COL5A1: variants seen among roughly 807,000 people sequenced by gnomAD.
COL5A1 encodes collagen type V alpha 1 chain.
A neutral mutation model predicts 263.7 loss-of-function variants in COL5A1; 16 were observed. The observed-to-expected ratio is 0.06, with a 90% CI of 0.04 to 0.09. The LOEUF (loss-of-function observed/expected upper bound fraction) is 0.09. Ranked by LOEUF, COL5A1 falls within the 10% of genes least tolerant of loss-of-function variation. The probability of loss-of-function intolerance (pLI) is 1.00; values close to 1 mark genes in which losing one functional copy is unlikely to be tolerated. For missense variants in COL5A1, 2,036 were observed against 2,540.5 expected (o/e 0.80, Z 4.27); for synonymous variants, 1,012 against 1,004.5 (o/e 1.01, Z -0.14).
chr9:134,809,139 C>G, intron 42 of COL5A1, 44 bp from the exon 43 acceptor site: 1 of 1,495,728 alleles, frequency 6.7e-7, no homozygotes, highest in Non-Finnish European at 9.1e-7. Context: ...GGGATGTTCC[C>G]AGGTTGGAGC....
intron 34 of COL5A1, 55 bp from the exon 35 acceptor site, chr9:134,796,317 CTT>C: frequency 6.3e-7 from 1 of 1,576,076 alleles, no homozygotes; most frequent in Admixed American, 1.7e-5. Context: ...GGGCCAGAGT[CTT>C]TTCATCCAAA....
intron 43 of COL5A1, 91 bp from the exon 44 acceptor site, chr9:134,810,164 C>G: frequency 7.1e-7 from 1 of 1,418,060 alleles, no homozygotes; most frequent in Non-Finnish European, 1.0e-6. Flanking sequence ...GGACACTGTT[C>G]TTAATCTCCA....
intron 34 of COL5A1, among the ~76,000 whole-genome samples, chr9:134,796,172 T>C (rs951625358): frequency 3.3e-5 from 5 of 152,188 alleles, no homozygotes; most frequent in Non-Finnish European, 7.3e-5. Context: ...GTCAGCTGCA[T>C]GCAGAGGCAC....
chr9:134,685,835 TCCA>T (rs1833056313), intron 1 of COL5A1, among the ~76,000 whole-genome samples: 2 of 141,354 alleles, frequency 1.4e-5, no homozygotes, highest in African/African-American at 5.2e-5. Flanking sequence ...CATCCATCCA[TCCA>T]CCATCCATCC....
At chr9:134,721,350 C>T (rs1834447953) in intron 4 of COL5A1, among the ~76,000 whole-genome samples, 1 of 151,400 alleles carries the variant, frequency 6.6e-6, no homozygotes, top group South Asian at 2.1e-4. Context: ...AGTACCCATA[C>T]AGGGCTGCCC....
chr9:134,813,209 C>T (rs4842170), intron 48 of COL5A1, among the ~76,000 whole-genome samples: 48,825 of 151,300 alleles, frequency 0.32, 8,360 homozygotes, highest in Middle Eastern at 0.4. Flanking sequence ...TGTGTGTGTG[C>T]CTGTGTGTGT....
In COL5A1 at chr9:134,826,127, G is replaced by C. The variant is rs534062449; in HGVS notation, c.5067+223G>C. On this transcript the variant is annotated intron_variant, in intron 63 of 65. Coordinates refer to ENST00000371817, the MANE Select transcript of COL5A1 (RefSeq NM_000093.5). ...TGCAGCCCGGGGTCAGGAAGGGTTG[G>C]AGGGCTTTCCACCTGGCATCCTGCC... Among the ~76,000 whole-genome samples the C allele has an allele frequency of 1.3e-5, 2 of 152,352 alleles. 1 individual carries two copies. The highest frequency in any genetic ancestry group is 4.1e-4 in the South Asian group (2 of 4,826).
At chr9:134,720,918 T>C (rs1277758854) in intron 4 of COL5A1, among the ~76,000 whole-genome samples, 1 of 152,124 alleles carries the variant, frequency 6.6e-6, no homozygotes, top group African/African-American at 2.4e-5. Context: ...GCCTTCAAGG[T>C]CTGTGAGGGG....
chr9:134,834,914 GC>G, intron 64 of COL5A1, 56 bp from the exon 65 acceptor site: 1 of 1,261,724 alleles, frequency 7.9e-7, no homozygotes, highest in Non-Finnish European at 1.1e-6. Context: ...CGGACGTGGG[GC>G]TTTGTTGCTG....
intron 2 of COL5A1, among the ~76,000 whole-genome samples, chr9:134,695,786 C>T (rs562673672): frequency 6.6e-6 from 1 of 152,344 alleles, no homozygotes; most frequent in African/African-American, 2.4e-5. Context: ...CTGGCCATGA[C>T]AAATGCAGTA....
chr9:134,823,528 T>A (rs1209661516), intron 61 of COL5A1, 59 bp downstream of exon 61: 3 of 1,567,846 alleles, frequency 1.9e-6, no homozygotes, highest in Non-Finnish European at 2.6e-6. Flanking sequence ...TCCGAGGGAA[T>A]TGAGAAAGCA....
At chr9:134,806,416 G>C (rs2132831186) in intron 42 of COL5A1, 120 bp downstream of exon 42, 1 of 736,488 alleles carries the variant, frequency 1.4e-6, no homozygotes, top group South Asian at 1.8e-5. Flanking sequence ...TTGGGGATGG[G>C]GTGGGGTCTG....
rs768911432 is a variant in COL5A1 at position 134,784,994 on chromosome 9, G to T, written c.2490G>T (p.Glu830Asp). The T allele has an allele frequency of 1.2e-6, 2 of 1,613,190 alleles. No homozygotes were observed. The highest frequency in any genetic ancestry group is 2.2e-5 in the East Asian group (1 of 44,868). Reference protein sequence around the residue: ...GDMGIKGDRGEIGPPGPRGED... With the variant: ...GDMGIKGDRGDIGPPGPRGED... ...TCCTCTTTTCTGGCTTGCAGGGGGA[G>T]ATCGGCCCACCCGGTCCCAGGGGAG... Residue 830 changes from glutamate (E) to aspartate (D), a missense_variant, in exon 30 of 66, where the codon GAG becomes GAT. Glu to Asp is a conservative substitution (Grantham distance 45). Around this residue, in one of 3 missense-constraint regions of COL5A1, gnomAD observed 1,078 missense variants for 1,521.4 expected, o/e 0.71. Coordinates refer to ENST00000371817, the MANE Select transcript of COL5A1 (RefSeq NM_000093.5).
intron 34 of COL5A1, 31 bp downstream of exon 34, chr9:134,795,346 G>A (rs1239580247): frequency 1.2e-6 from 2 of 1,610,022 alleles, no homozygotes; most frequent in East Asian, 2.2e-5. Context: ...GCGGTGGGCG[G>A]CGTGAACCCA....
chr9:134,824,458 G>A lies in COL5A1; in HGVS notation c.4699-142G>A. On this transcript the variant is annotated intron_variant, in intron 61 of 65. Coordinates refer to ENST00000371817, the MANE Select transcript of COL5A1 (RefSeq NM_000093.5). ...GAGGAAGGGATGGAAACAGTTCTAA[G>A]GCGGACAGATGTCCATGTAGCCCAG... 3.0e-6 allele frequency: 3 copies of A among 1,012,216 alleles called. No homozygotes were observed. The South Asian group carries it at 4.7e-5, about 16-fold the overall frequency. The allele number at this position is 1,012,216 out of a possible 1,614,324, so 62.7% of individuals were successfully genotyped here.
intron 9 of COL5A1, 36 bp downstream of exon 9, chr9:134,732,163 G>A: frequency 6.2e-7 from 1 of 1,611,896 alleles, no homozygotes. Context: ...CTGCGCCGGG[G>A]TGTCCGCTGC....
chr9:134,776,642 A>T (rs1256750620), intron 27 of COL5A1, among the ~76,000 whole-genome samples: 2 of 152,212 alleles, frequency 1.3e-5, no homozygotes, highest in Non-Finnish European at 2.9e-5. Context: ...TGAGGTGAAT[A>T]GTCCTTGGTG....
chr9:134,747,274 C>G (rs1835550999), intron 11 of COL5A1, among the ~76,000 whole-genome samples: 1 of 152,126 alleles, frequency 6.6e-6, no homozygotes. Flanking sequence ...CTTTCACAGC[C>G]TGGGGATTGG....
chr9:134,817,633 C>G, intron 53 of COL5A1, 145 bp from the exon 54 acceptor site: 2 of 760,592 alleles, frequency 2.6e-6, no homozygotes. Flanking sequence ...CCCTGCAGCC[C>G]GGCACACCCT....
Sources: allele counts gnomAD v4.1 joint callset (sites outside exome capture counted in the v4.1 genomes callset), GRCh38; gene constraint gnomAD v4.1.1; regional missense constraint gnomAD v4.1.1; transcripts MANE v1.5; gene names NCBI Gene and HGNC (gene_info 2026-07-23, HGNC 2026-07-21).